HSD17B4: variants seen among roughly 807,000 people sequenced by gnomAD.
HSD17B4 encodes the protein peroxisomal multifunctional enzyme type 2.
Under a neutral mutation model 101.0 loss-of-function variants are expected in HSD17B4, and 70 were observed. That is an observed-to-expected ratio of 0.69 (90% CI 0.57 to 0.85). The LOEUF (loss-of-function observed/expected upper bound fraction) is 0.85, where lower values mean the gene tolerates loss of function less well. Ranked by LOEUF, HSD17B4 falls within the 40% of genes least tolerant of loss-of-function variation. The pLI, the probability that HSD17B4 is intolerant of heterozygous loss-of-function variation, is 0.00. For synonymous variants in HSD17B4, 347 were observed against 297.1 expected, an observed-to-expected ratio of 1.17 and a Z score of -1.73; for missense variants, 984 against 892.4, an observed-to-expected ratio of 1.10 and a Z score of -1.31.
intron 16 of HSD17B4, among the ~76,000 whole-genome samples, chr5:119,511,647 G>C (rs1333262459): frequency 6.6e-6 from 1 of 151,958 alleles, no homozygotes; most frequent in Non-Finnish European, 1.5e-5. Flanking sequence ...GTCATCGTAG[G>C]GTGACTGCAC....
chr5:119,540,266 A>G (rs1486498932), intron 23 of HSD17B4, among the ~76,000 whole-genome samples: 1 of 152,218 alleles, frequency 6.6e-6, no homozygotes, highest in East Asian at 1.9e-4. Flanking sequence ...AACCAGTATG[A>G]CTGTATTTCC....
chr5:119,525,592 G>C (rs1006329707), intron 18 of HSD17B4: 6 of 513,354 alleles, frequency 1.2e-5, no homozygotes, highest in African/African-American at 1.2e-4. Context: ...GGAACTGAAA[G>C]GTTAGGGAAG....
At chr5:119,460,920 A>G (rs1010957397) in intron 2 of HSD17B4, among the ~76,000 whole-genome samples, 1 of 152,198 alleles carries the variant, frequency 6.6e-6, no homozygotes, top group Non-Finnish European at 1.5e-5. Context: ...GAAGCAGCTG[A>G]AGCCAGGTTA....
At chr5:119,482,318 G>A (rs1749214374) in intron 8 of HSD17B4, among the ~76,000 whole-genome samples, 1 of 151,746 alleles carries the variant, frequency 6.6e-6, no homozygotes. Context: ...TTTTTTTAGA[G>A]TTTTATCTCT....
chr5:119,539,150 T>C (rs1296552261), intron 23 of HSD17B4, among the ~76,000 whole-genome samples: 3 of 152,032 alleles, frequency 2.0e-5, no homozygotes. Context: ...TTCTAAAAAT[T>C]CTGGAAAGCA....
intron 22 of HSD17B4, among the ~76,000 whole-genome samples, chr5:119,533,218 A>G (rs1386099398): frequency 3.3e-5 from 5 of 152,006 alleles, no homozygotes; most frequent in Non-Finnish European, 7.4e-5. Context: ...GGTTCATTCA[A>G]TGAACATTTG....
rs1177356980 is a variant in HSD17B4 at position 119,474,320 on chromosome 5, C to T, written c.221-81C>T. The T allele has an allele frequency of 6.3e-5, 53 of 846,742 alleles. No homozygotes were observed. The Admixed American group carries it at 8.0e-4, about 13-fold the overall frequency. The allele number at this position is 846,742 out of a possible 1,614,324, so 52.5% of individuals were successfully genotyped here. On this transcript the variant is annotated intron_variant, in intron 3 of 23. Transcript: ENST00000510025. The stretch of plus-strand genomic sequence containing the variant: ...GTTCTGTTGGGTGAATAGTATTTGT[C>T]GTGTACTCTGACCCACAGAATTTAG...
At chr5:119,467,655 A>G (rs1755944129) in intron 2 of HSD17B4, among the ~76,000 whole-genome samples, 1 of 152,192 alleles carries the variant, frequency 6.6e-6, no homozygotes, top group Admixed American at 6.5e-5. Context: ...TCACTTATAC[A>G]TTTATATTTT....
At chr5:119,537,866 A>T (rs1373214946) in intron 23 of HSD17B4, among the ~76,000 whole-genome samples, 3 of 152,168 alleles carry the variant, frequency 2.0e-5, no homozygotes, top group African/African-American at 7.2e-5. Context: ...TTGAGTTAGA[A>T]TGTGACAGGA....
rs781288160 is a variant in HSD17B4 at position 119,478,994 on chromosome 5, C to T, written c.595C>T (p.Arg199Trp). 1.1e-5 allele frequency: 18 copies of T among 1,613,464 alleles called. No homozygotes were observed. The highest frequency in any genetic ancestry group is 4.4e-5 in the South Asian group (4 of 91,068). Residue 199 changes from arginine (R) to tryptophan (W), a missense_variant, in exon 8 of 24, where the codon CGG becomes TGG. Coordinates refer to ENST00000510025, the MANE Select transcript of HSD17B4 (RefSeq NM_000414.4). Reference sequence around the variant, plus strand: ...CACCATTGCTCCTAATGCGGGATCACGGATGACTCAGACAGTTATGCCTGA... The same window carrying T: ...CACCATTGCTCCTAATGCGGGATCATGGATGACTCAGACAGTTATGCCTGA... Reference protein sequence around the residue: ...CNTIAPNAGSRMTQTVMPEDL... With the variant: ...CNTIAPNAGSWMTQTVMPEDL...
intron 2 of HSD17B4, among the ~76,000 whole-genome samples, chr5:119,456,958 C>G (rs1006312638): frequency 6.6e-6 from 1 of 152,090 alleles, no homozygotes; most frequent in Non-Finnish European, 1.5e-5. Context: ...GTATGGGTTT[C>G]TTGACTCTTT....
chr5:119,524,378 G>T (rs918105684), intron 17 of HSD17B4, among the ~76,000 whole-genome samples: 1 of 152,024 alleles, frequency 6.6e-6, no homozygotes, highest in Non-Finnish European at 1.5e-5. Context: ...AAAAGATATG[G>T]CTAGTCTTTA....
chr5:119,458,101 A>T (rs2126618571), intron 2 of HSD17B4, among the ~76,000 whole-genome samples: 1 of 152,350 alleles, frequency 6.6e-6, no homozygotes, highest in African/African-American at 2.4e-5. Flanking sequence ...TTGCATTATT[A>T]TAGTAGAGAT....
intron 4 of HSD17B4, among the ~76,000 whole-genome samples, chr5:119,475,006 C>T (rs556642813): frequency 1.1e-4 from 17 of 152,028 alleles, no homozygotes; most frequent in Non-Finnish European, 1.8e-4. Context: ...GGAGACATCA[C>T]GGAACATAAG....
At chr5:119,538,014 G>A (rs1016537063) in intron 23 of HSD17B4, among the ~76,000 whole-genome samples, 21 of 152,108 alleles carry the variant, frequency 1.4e-4, no homozygotes, top group African/African-American at 4.8e-4. Context: ...AAGGCCTGCC[G>A]TGCGAGGAAC....
At chr5:119,495,331 T>C (rs1000595416) in intron 11 of HSD17B4, among the ~76,000 whole-genome samples, 4 of 152,342 alleles carry the variant, frequency 2.6e-5, no homozygotes, top group South Asian at 2.1e-4. Context: ...TGAATTATTA[T>C]AACTAATTGT....
intron 18 of HSD17B4, chr5:119,525,708 G>GTTT: frequency 1.8e-6 from 1 of 564,876 alleles, no homozygotes. Context: ...TTCTTTTCCT[G>GTTT]TTTTGTTTTT....
At chr5:119,471,714 G>C in intron 2 of HSD17B4, 1 of 1,366,544 alleles carries the variant, frequency 7.3e-7, no homozygotes. Flanking sequence ...ATTCTCTTAA[G>C]TTCTGTTTTT....
At chr5:119,533,302 T>TTA (rs1554069201) in intron 22 of HSD17B4, among the ~76,000 whole-genome samples, 2 of 151,312 alleles carry the variant, frequency 1.3e-5, no homozygotes, top group African/African-American at 2.4e-5. Context: ...TTTTTTTTTT[T>TTA]AAATCCATAG....
Sources: gnomAD v4.1 joint callset for allele counts (sites outside exome capture counted in the v4.1 genomes callset) on GRCh38, gnomAD v4.1.1 for gene constraint, MANE v1.5 for transcripts, NCBI Gene and HGNC (gene_info 2026-07-23, HGNC 2026-07-21) for gene names.